The following CNTN3 variants were observed in gnomAD, a reference collection of about 807,000 sequenced individuals.
The protein encoded by CNTN3 is contactin-3.
Under a neutral mutation model 119.1 loss-of-function variants are expected in CNTN3, and 60 were observed. The ratio of observed to expected loss-of-function variants is 0.50; its 90% CI spans 0.41 to 0.62. CNTN3 has a LOEUF of 0.62. CNTN3 is among the 20% of genes least tolerant of loss of function. The pLI is 0.00. For synonymous variants in CNTN3, 450 were observed against 438.7 expected (o/e 1.03, Z -0.32); for missense variants, 1,101 against 1,242.4 (o/e 0.89, Z 1.71).
At chr3:74,304,309 C>A (rs1466965724) in intron 13 of CNTN3, among the ~76,000 whole-genome samples, 5 of 152,216 alleles carry the variant, frequency 3.3e-5, no homozygotes, top group Non-Finnish European at 5.9e-5. Flanking sequence ...CTCTCCCTCT[C>A]CTTCTCCTAG....
At chr3:74,358,630 T>G in intron 11 of CNTN3, among the ~76,000 whole-genome samples, 1 of 143,834 alleles carries the variant, frequency 7.0e-6, no homozygotes, top group East Asian at 2.0e-4. Flanking sequence ...TTTATTGTAC[T>G]TTAAGTTTTA....
At chr3:74,575,837 C>T (rs1353722819) in intron 1 of CNTN3, among the ~76,000 whole-genome samples, 1 of 151,830 alleles carries the variant, frequency 6.6e-6, no homozygotes, top group Non-Finnish European at 1.5e-5. Flanking sequence ...CTGTCCAAGC[C>T]CACGTGGTTC....
chr3:74,490,091 A>G (rs1339029573), intron 3 of CNTN3, among the ~76,000 whole-genome samples: 1 of 152,188 alleles, frequency 6.6e-6, no homozygotes, highest in Admixed American at 6.5e-5. Flanking sequence ...TGGCTGGATG[A>G]CATTGGTACC....
chr3:74,523,288 C>T (rs1179693790), intron 1 of CNTN3, among the ~76,000 whole-genome samples: 4 of 151,814 alleles, frequency 2.6e-5, no homozygotes, highest in Admixed American at 2.6e-4. Flanking sequence ...CACAAACATG[C>T]ATACACATAT....
At chr3:74,412,450 C>T (rs1020127051) in intron 5 of CNTN3, among the ~76,000 whole-genome samples, 3 of 152,184 alleles carry the variant, frequency 2.0e-5, no homozygotes, top group Non-Finnish European at 4.4e-5. Flanking sequence ...TAATTAGCTG[C>T]TTTAATTAGC....
intron 18 of CNTN3, among the ~76,000 whole-genome samples, chr3:74,295,888 A>C (rs1702328555): frequency 6.6e-6 from 1 of 152,184 alleles, no homozygotes; most frequent in African/African-American, 2.4e-5. Context: ...TTTCTCTGTC[A>C]AATGATCCTG....
At chr3:74,299,839 G>C in intron 17 of CNTN3, 29 bp downstream of exon 17, 1 of 1,584,102 alleles carries the variant, frequency 6.3e-7, no homozygotes, top group South Asian at 1.1e-5. Context: ...GCAAGACCCT[G>C]ATGGGGAAGA....
At chr3:74,488,046 C>T (rs1181343591) in intron 3 of CNTN3, among the ~76,000 whole-genome samples, 2 of 149,400 alleles carry the variant, frequency 1.3e-5, no homozygotes, top group Non-Finnish European at 1.5e-5. Flanking sequence ...TAGTGTAATA[C>T]ATCAATATTA....
At chr3:74,358,087 G>C (rs1396951001) in intron 11 of CNTN3, among the ~76,000 whole-genome samples, 1 of 152,154 alleles carries the variant, frequency 6.6e-6, no homozygotes, top group Admixed American at 6.5e-5. Context: ...CAACTTGTTC[G>C]ATAATTGCTT....
chr3:74,483,209 G>A (rs2107032975), intron 4 of CNTN3, among the ~76,000 whole-genome samples: 1 of 152,006 alleles, frequency 6.6e-6, no homozygotes, highest in African/African-American at 2.4e-5. Flanking sequence ...AAGCAGAGGG[G>A]GACAGACTGG....
intron 9 of CNTN3, among the ~76,000 whole-genome samples, chr3:74,365,105 T>C (rs1254755061): frequency 1.3e-5 from 2 of 152,018 alleles, no homozygotes; most frequent in African/African-American, 4.8e-5. Flanking sequence ...CACAATTGAC[T>C]TAGTATACAA....
intron 5 of CNTN3, among the ~76,000 whole-genome samples, chr3:74,418,303 C>CAAACATGA (rs1223424539): frequency 6.7e-6 from 1 of 148,284 alleles, no homozygotes; most frequent in Non-Finnish European, 1.5e-5. Flanking sequence ...GCTGGGATTA[C>CAAACATGA]AAACATGAGC....
chr3:74,455,517 G>A (rs140226695), intron 4 of CNTN3, among the ~76,000 whole-genome samples: 2,214 of 152,162 alleles, frequency 0.015, 52 homozygotes, highest in African/African-American at 0.05. Context: ...GTCATTCTCC[G>A]TCCAGCTTTG....
intron 1 of CNTN3, among the ~76,000 whole-genome samples, chr3:74,528,089 G>A (rs1333405782): frequency 1.3e-5 from 2 of 151,814 alleles, no homozygotes; most frequent in Admixed American, 6.6e-5. Context: ...CAAATTCCAT[G>A]ATCTCTTCTT....
intron 1 of CNTN3, among the ~76,000 whole-genome samples, chr3:74,604,303 C>T (rs1486739168): frequency 6.6e-6 from 1 of 151,844 alleles, no homozygotes; most frequent in East Asian, 1.9e-4. Flanking sequence ...AATGTGAAAA[C>T]AATTAAATGA....
At chr3:74,316,209 C>T (rs556740304) in intron 13 of CNTN3, among the ~76,000 whole-genome samples, 3 of 152,126 alleles carry the variant, frequency 2.0e-5, no homozygotes, top group South Asian at 2.1e-4. Flanking sequence ...AGAAGATATA[C>T]GAGTGGCCAA....
chr3:74,278,353 AACTAT>A (rs1195558204), intron 20 of CNTN3, among the ~76,000 whole-genome samples: 1 of 152,172 alleles, frequency 6.6e-6, no homozygotes, highest in Non-Finnish European at 1.5e-5. Flanking sequence ...CCTGATTTCA[AACTAT>A]ACTATAAGGC....
intron 4 of CNTN3, among the ~76,000 whole-genome samples, chr3:74,445,838 G>A (rs1482209773): frequency 2.0e-5 from 3 of 152,160 alleles, no homozygotes; most frequent in Non-Finnish European, 2.9e-5. Context: ...TTCACAATTT[G>A]TCTAAACTCA....
chr3:74,554,986 G>T (rs553515624), intron 1 of CNTN3, among the ~76,000 whole-genome samples: 6 of 152,272 alleles, frequency 3.9e-5, no homozygotes, highest in African/African-American at 1.4e-4. Flanking sequence ...TCCTTGTCTT[G>T]TGCCGGTTTT....
Sources: allele counts gnomAD v4.1 joint callset (sites outside exome capture counted in the v4.1 genomes callset), GRCh38; gene constraint gnomAD v4.1.1; transcripts MANE v1.5; gene names NCBI Gene and HGNC (gene_info 2026-07-23, HGNC 2026-07-21).